The following FER variants were observed in gnomAD, a reference collection of about 807,000 sequenced individuals.
FER encodes tyrosine-protein kinase Fer.
A neutral mutation model predicts 111.0 loss-of-function variants in FER; 63 were observed. The ratio of observed to expected loss-of-function variants is 0.57; its 90% CI spans 0.46 to 0.70. The LOEUF is 0.70. Ranked by LOEUF, FER falls within the 30% of genes least tolerant of loss-of-function variation. The pLI is 0.00. For synonymous variants in FER, 327 were observed against 313.9 expected (o/e 1.04, Z -0.44); for missense variants, 914 against 954.0 (o/e 0.96, Z 0.55).
At chr5:109,187,232 A>G (rs1562008479) in intron 19 of FER, among the ~76,000 whole-genome samples, 1 of 152,218 alleles carries the variant, frequency 6.6e-6, no homozygotes, top group Admixed American at 6.5e-5. Flanking sequence ...TGTTCTTTGA[A>G]TTAGAACTCT....
rs1759272225 is a variant in FER, at chr5:109,190,109, A to C, written c.*2534A>C. 6.6e-6 allele frequency: 1 copy of C among 152,174 alleles called. No homozygotes were observed. Among genetic ancestry groups the C allele is most frequent in the South Asian group, 2.1e-4 (1 of 4,830 alleles). The allele number at this position is 152,174 out of a possible 1,614,324, so 9.4% of individuals were successfully genotyped here. A position where few individuals can be genotyped will look rare whatever the true frequency, so the allele number is the denominator to read the frequency against. Reference sequence around the variant, plus strand: ...TTCACTGTTAATTTTGTTGTGCTTGAAGCATAATTTATTCATCCCTTCTGT... The same window carrying C: ...TTCACTGTTAATTTTGTTGTGCTTGCAGCATAATTTATTCATCCCTTCTGT... On this transcript the variant is annotated 3_prime_UTR_variant, in exon 20 of 20. Transcript: ENST00000281092.
intron 16 of FER, among the ~76,000 whole-genome samples, chr5:109,093,557 TTGTA>T (rs1415420729): frequency 2.0e-5 from 3 of 152,172 alleles, no homozygotes; most frequent in Admixed American, 1.3e-4. Context: ...TTTAATAAGA[TTGTA>T]TGACATCCAC....
intron 2 of FER, among the ~76,000 whole-genome samples, chr5:108,773,636 A>T (rs938063047): frequency 1.3e-5 from 2 of 151,900 alleles, no homozygotes; most frequent in African/African-American, 2.4e-5. Context: ...TGCTGTTGTG[A>T]ATAGTGTGGC....
intron 16 of FER, among the ~76,000 whole-genome samples, chr5:109,051,071 T>C (rs545250596): frequency 3.3e-4 from 51 of 152,298 alleles, no homozygotes; most frequent in African/African-American, 1.2e-3. Flanking sequence ...AATCTAAGTT[T>C]TTTGAATCCA....
In FER at chr5:109,071,892, A is replaced by C. The variant is rs542996856; in HGVS notation, c.1924+24694A>C. On this transcript the variant is annotated intron_variant, in intron 16 of 19. Coordinates refer to ENST00000281092, the MANE Select transcript of FER (RefSeq NM_005246.4). ...AAAAGCTTTACATGGCAATGTTTAT[A>C]TAGTTCTATCGTCATGAGGGAATTT... Among the ~76,000 whole-genome samples, 3 of 152,060 alleles carry C rather than the reference A, an allele frequency of 2.0e-5. No homozygotes were observed. In the East Asian group the frequency reaches 5.8e-4, roughly 29 times the overall value.
intron 3 of FER, among the ~76,000 whole-genome samples, chr5:108,822,709 A>T (rs868597978): frequency 1.2e-4 from 15 of 121,514 alleles, no homozygotes; most frequent in African/African-American, 1.9e-4. Context: ...ATTTTATTTT[A>T]TTTATTTTAT....
intron 17 of FER, among the ~76,000 whole-genome samples, chr5:109,175,498 T>G (rs986578182): frequency 6.6e-6 from 1 of 151,976 alleles, no homozygotes; most frequent in African/African-American, 2.4e-5. Flanking sequence ...TAAAACTACT[T>G]CAGAAAACAT....
Position 109,140,989 on chromosome 5 carries a change from C to T in FER, c.2049-39758C>T, listed in dbSNP as rs137891178. 8.0e-3 allele frequency among the ~76,000 whole-genome samples: 1,225 copies of T among 152,200 alleles called. 13 individuals are homozygous for T. The highest frequency in any genetic ancestry group is 0.029 in the African/African-American group (1,185 of 41,506). On this transcript the variant is annotated intron_variant, in intron 17 of 19. Transcript: ENST00000281092. ...CAGTAGCTCCTATTCTTCCATATCT[C>T]GAGCATACCATGTTCAGAGACTTAG...
intron 17 of FER, among the ~76,000 whole-genome samples, chr5:109,139,212 T>C (rs559427131): frequency 1.7e-3 from 266 of 152,216 alleles, no homozygotes; most frequent in African/African-American, 6.0e-3. Flanking sequence ...TCTTTAATAT[T>C]GTCTATCAAA....
At chr5:109,099,555 A>C (rs1021735179) in intron 16 of FER, among the ~76,000 whole-genome samples, 1 of 151,578 alleles carries the variant, frequency 6.6e-6, no homozygotes, top group Non-Finnish European at 1.5e-5. Context: ...ATATATTTCA[A>C]AGAGTGTGAT....
At chr5:108,828,924 C>G (rs1018700798) in intron 3 of FER, among the ~76,000 whole-genome samples, 8 of 152,044 alleles carry the variant, frequency 5.3e-5, no homozygotes, top group Non-Finnish European at 1.2e-4. Flanking sequence ...ATGGTGAGAC[C>G]CTGTCTCTAT....
intron 16 of FER, among the ~76,000 whole-genome samples, chr5:109,093,618 T>A (rs1747100948): frequency 1.3e-5 from 2 of 152,180 alleles, no homozygotes; most frequent in Non-Finnish European, 2.9e-5. Flanking sequence ...ATATCTGGGT[T>A]ATGATACATT....
chr5:109,038,726 A>G (rs1662957621), intron 14 of FER, among the ~76,000 whole-genome samples: 1 of 152,018 alleles, frequency 6.6e-6, no homozygotes, highest in African/African-American at 2.4e-5. Flanking sequence ...GGGCCAAAAA[A>G]TATTACAAAG....
chr5:109,081,976 C>A (rs1011088268), intron 16 of FER, among the ~76,000 whole-genome samples: 2 of 151,968 alleles, frequency 1.3e-5, no homozygotes, highest in Non-Finnish European at 2.9e-5. Context: ...GGTTTCTGAA[C>A]CATTATAACA....
rs576850169 is a variant in FER at position 108,832,457 on chromosome 5, T to C, written c.208-313T>C. Among the ~76,000 whole-genome samples the C allele has an allele frequency of 2.0e-5, 3 of 152,270 alleles. No individual in the cohort carries two copies. In the South Asian group the frequency reaches 6.2e-4, roughly 32 times the overall value. ...ATTAGAATCATGTGGCAGAGCAGTA[T>C]TTCAGTGTGCTGGAAAACAAATGAG... On this transcript the variant is annotated intron_variant, in intron 3 of 19. Coordinates refer to ENST00000281092, the MANE Select transcript of FER (RefSeq NM_005246.4).
chr5:108,980,153 AT>A (rs71626610), intron 13 of FER, among the ~76,000 whole-genome samples: 63 of 152,204 alleles, frequency 4.1e-4, no homozygotes, highest in Admixed American at 1.2e-3. Context: ...ACAAAATCAA[AT>A]TTTTTTCTTT....
At chr5:109,118,629 C>A (rs1288160325) in intron 17 of FER, among the ~76,000 whole-genome samples, 2 of 152,188 alleles carry the variant, frequency 1.3e-5, no homozygotes, top group Non-Finnish European at 2.9e-5. Context: ...GTGAATCCAT[C>A]TGGTCCTGGA....
At chr5:109,096,641 G>A (rs1747561261) in intron 16 of FER, among the ~76,000 whole-genome samples, 1 of 149,650 alleles carries the variant, frequency 6.7e-6, no homozygotes, top group Non-Finnish European at 1.5e-5. Context: ...AAGCATCTTT[G>A]CCTCTCAGTG....
chr5:109,019,271 A>G (rs2149825125), intron 13 of FER, among the ~76,000 whole-genome samples: 1 of 151,914 alleles, frequency 6.6e-6, no homozygotes, highest in East Asian at 1.9e-4. Flanking sequence ...TTCTCTAGCC[A>G]TGCCCTCATA....
Sources: gnomAD v4.1 joint callset for allele counts (sites outside exome capture counted in the v4.1 genomes callset) on GRCh38, gnomAD v4.1.1 for gene constraint, MANE v1.5 for transcripts, NCBI Gene and HGNC (gene_info 2026-07-23, HGNC 2026-07-21) for gene names.